RPA3: variants seen among roughly 807,000 people sequenced by gnomAD.
RPA3 encodes replication protein A3.
In RPA3, 24 loss-of-function variants were observed where a neutral mutation model predicts 13.7. That is an observed-to-expected ratio of 1.75 (90% CI 1.27 to 2.46). The LOEUF is 2.46. Among genes scored for constraint, RPA3 ranks in the 30% most tolerant of loss-of-function variants. RPA3 has a pLI of 0.00. For missense variants in RPA3, 183 were observed against 151.0 expected (o/e 1.21, Z -1.11); for synonymous variants, 59 against 51.2 (o/e 1.15, Z -0.65).
chr7:7,658,543 G>A (rs1200052508), intron 4 of RPA3, among the ~76,000 whole-genome samples: 4 of 152,102 alleles, frequency 2.6e-5, no homozygotes, highest in African/African-American at 7.2e-5. Flanking sequence ...TTTATCGAAG[G>A]CCTTTTCTGC....
At chr7:7,649,081 C>G (rs901566987) in intron 4 of RPA3, among the ~76,000 whole-genome samples, 1 of 146,824 alleles carries the variant, frequency 6.8e-6, no homozygotes, top group African/African-American at 2.5e-5. Flanking sequence ...TCGCTTGAAC[C>G]CAGGAAGTGG....
At chr7:7,705,389 A>G (rs1325807741) in intron 2 of RPA3, among the ~76,000 whole-genome samples, 2 of 152,242 alleles carry the variant, frequency 1.3e-5, no homozygotes, top group Admixed American at 6.5e-5. Flanking sequence ...GTAATTTTAC[A>G]TGTTCTAAAA....
chr7:7,646,943 G>C (rs180703584), intron 4 of RPA3, among the ~76,000 whole-genome samples: 1 of 152,242 alleles, frequency 6.6e-6, no homozygotes, highest in Admixed American at 6.5e-5. Context: ...TCACATTTAG[G>C]GCTATGGGTC....
At chr7:7,669,770 T>C (rs1360630294) in intron 4 of RPA3, among the ~76,000 whole-genome samples, 1 of 152,186 alleles carries the variant, frequency 6.6e-6, no homozygotes, top group South Asian at 2.1e-4. Flanking sequence ...ACTGATGCCT[T>C]TGTAATAATT....
intron 4 of RPA3, among the ~76,000 whole-genome samples, chr7:7,643,148 G>C (rs1294831804): frequency 6.6e-6 from 1 of 152,146 alleles, no homozygotes; most frequent in Non-Finnish European, 1.5e-5. Context: ...GCGCCAGGGA[G>C]AGGCCATTTC....
intron 4 of RPA3, among the ~76,000 whole-genome samples, chr7:7,668,752 C>A (rs1779532435): frequency 6.6e-6 from 1 of 152,178 alleles, no homozygotes; most frequent in Non-Finnish European, 1.5e-5. Context: ...GTGATACATA[C>A]ATTTAAGAAA....
At chr7:7,702,871 A>G (rs1192157363) in intron 2 of RPA3, among the ~76,000 whole-genome samples, 1 of 152,184 alleles carries the variant, frequency 6.6e-6, no homozygotes, top group African/African-American at 2.4e-5. Context: ...GCTGATGAAC[A>G]GTTATTGCTT....
intron 1 of RPA3, among the ~76,000 whole-genome samples, chr7:7,716,515 A>G (rs1780908258): frequency 2.6e-5 from 4 of 152,228 alleles, no homozygotes. Context: ...CCAATAGTAA[A>G]GGGCCACTTG....
intron 4 of RPA3, among the ~76,000 whole-genome samples, chr7:7,654,150 A>G (rs1785288938): frequency 6.6e-6 from 1 of 152,212 alleles, no homozygotes; most frequent in Admixed American, 6.5e-5. Flanking sequence ...ATTAAAAAGA[A>G]AACAAACACA....
intron 4 of RPA3, among the ~76,000 whole-genome samples, chr7:7,662,207 A>G (rs1785492140): frequency 6.6e-6 from 1 of 152,176 alleles, no homozygotes; most frequent in African/African-American, 2.4e-5. Flanking sequence ...CTGTGCTGGC[A>G]GCGATAATTT....
chr7:7,709,221 A>G (rs1290471653), intron 2 of RPA3, among the ~76,000 whole-genome samples: 2 of 152,198 alleles, frequency 1.3e-5, no homozygotes, highest in African/African-American at 2.4e-5. Flanking sequence ...TATCTCAATT[A>G]TATGTGTGAA....
At chr7:7,681,419 A>T (rs1779909789) in intron 4 of RPA3, among the ~76,000 whole-genome samples, 1 of 152,172 alleles carries the variant, frequency 6.6e-6, no homozygotes, top group Admixed American at 6.5e-5. Flanking sequence ...CTGTTCATAT[A>T]CAGTTAGCTC....
At chr7:7,689,148 C>T (rs1373922149) in intron 2 of RPA3, among the ~76,000 whole-genome samples, 1 of 152,078 alleles carries the variant, frequency 6.6e-6, no homozygotes, top group Non-Finnish European at 1.5e-5. Flanking sequence ...TAGTCTAATT[C>T]ACCTTGCCAG....
intron 2 of RPA3, among the ~76,000 whole-genome samples, chr7:7,711,978 T>A (rs539842895): frequency 1.3e-5 from 2 of 152,154 alleles, no homozygotes; most frequent in Non-Finnish European, 2.9e-5. Flanking sequence ...AGGGATAACC[T>A]ATTTTCTTAG....
chr7:7,667,927 A>G (rs1018262305), intron 4 of RPA3, among the ~76,000 whole-genome samples: 3 of 151,944 alleles, frequency 2.0e-5, no homozygotes, highest in Non-Finnish European at 4.4e-5. Context: ...TTTTCACTTC[A>G]GTTCTTTTTT....
chr7:7,674,999 T>A (rs917060379), intron 4 of RPA3, among the ~76,000 whole-genome samples: 4 of 152,076 alleles, frequency 2.6e-5, no homozygotes, highest in African/African-American at 4.8e-5. Flanking sequence ...CTGTTGTTTT[T>A]ATTATATATG....
At chr7:7,666,447 A>ATCTGCCTACC (rs758461597) in intron 4 of RPA3, among the ~76,000 whole-genome samples, 1 of 151,934 alleles carries the variant, frequency 6.6e-6, no homozygotes, top group African/African-American at 2.4e-5. Context: ...GCCTCAAGTG[A>ATCTGCCTACC]TCTGCCTACC....
chr7:7,700,464 G>A (rs1401429069), intron 2 of RPA3, among the ~76,000 whole-genome samples: 1 of 152,158 alleles, frequency 6.6e-6, no homozygotes, highest in Non-Finnish European at 1.5e-5. Flanking sequence ...AGTGGCTCAT[G>A]CCTGTAATCC....
intron 4 of RPA3, among the ~76,000 whole-genome samples, chr7:7,667,345 G>C (rs1779491109): frequency 6.6e-6 from 1 of 152,176 alleles, no homozygotes. Context: ...GAGTATTCTT[G>C]GGAACTCCAG....
Sources: allele counts gnomAD v4.1 joint callset (sites outside exome capture counted in the v4.1 genomes callset), GRCh38; gene constraint gnomAD v4.1.1; transcripts MANE v1.5; gene names NCBI Gene and HGNC (gene_info 2026-07-23, HGNC 2026-07-21).